The following PEPD variants were observed in gnomAD, a reference collection of about 807,000 sequenced individuals.
PEPD encodes peptidase D, also known as xaa-Pro dipeptidase.
A neutral mutation model predicts 60.7 loss-of-function variants in PEPD; 53 were observed. The observed-to-expected ratio is 0.87, with a 90% CI of 0.70 to 1.10. The LOEUF is 1.10. PEPD is among the 50% of genes least tolerant of loss of function. The pLI is 0.00. For synonymous variants in PEPD, 267 were observed against 284.1 expected (o/e 0.94, Z 0.60); for missense variants, 711 against 711.9 (o/e 1.00, Z 0.01).
chr19:33,507,151 C>T (rs1451409655), intron 3 of PEPD, among the ~76,000 whole-genome samples: 1 of 152,128 alleles, frequency 6.6e-6, no homozygotes, highest in Non-Finnish European at 1.5e-5. Context: ...GGCTGAGCGC[C>T]CCTCCCTGCA....
chr19:33,454,652 AAG>A (rs1271926622), intron 9 of PEPD, among the ~76,000 whole-genome samples: 1 of 152,186 alleles, frequency 6.6e-6, no homozygotes, highest in Non-Finnish European at 1.5e-5. Context: ...TTAAAAAAAA[AAG>A]GTTGAACAAA....
chr19:33,476,094 G>A (rs761956390), intron 7 of PEPD, among the ~76,000 whole-genome samples: 4 of 152,082 alleles, frequency 2.6e-5, no homozygotes, highest in Admixed American at 6.5e-5. Context: ...TCAAACTCCC[G>A]GCCTCAAGTG....
At chr19:33,448,042 A>G (rs1320006830) in intron 9 of PEPD, among the ~76,000 whole-genome samples, 1 of 152,196 alleles carries the variant, frequency 6.6e-6, no homozygotes, top group African/African-American at 2.4e-5. Context: ...GCCTGCCGGC[A>G]GGTATGGAGA....
At chr19:33,453,777 A>G (rs1568479721) in intron 9 of PEPD, among the ~76,000 whole-genome samples, 1 of 152,164 alleles carries the variant, frequency 6.6e-6, no homozygotes, top group Admixed American at 6.5e-5. Flanking sequence ...ATGAAGTGCT[A>G]TTATTTTTTT....
chr19:33,505,536 G>C (rs1001332408), intron 3 of PEPD, among the ~76,000 whole-genome samples: 4 of 151,942 alleles, frequency 2.6e-5, no homozygotes, highest in Admixed American at 2.0e-4. Flanking sequence ...AGGCCTGCAC[G>C]GCAAAGAGGG....
intron 9 of PEPD, among the ~76,000 whole-genome samples, chr19:33,449,462 G>A (rs750129472): frequency 1.2e-4 from 19 of 152,178 alleles, no homozygotes; most frequent in Non-Finnish European, 2.1e-4. Context: ...AGAGCTCACC[G>A]GAGAAGCCTG....
At chr19:33,490,721 T>TG (rs1229579201) in intron 5 of PEPD, among the ~76,000 whole-genome samples, 1 of 152,168 alleles carries the variant, frequency 6.6e-6, no homozygotes, top group East Asian at 1.9e-4. Flanking sequence ...TGGAGTGTGG[T>TG]GGCACCATCT....
At chr19:33,436,995 GAAAGAA>G (rs1168206560) in intron 9 of PEPD, among the ~76,000 whole-genome samples, 1 of 152,160 alleles carries the variant, frequency 6.6e-6, no homozygotes, top group Non-Finnish European at 1.5e-5. Context: ...GGAGGAGGAG[GAAAGAA>G]AAAGTGGGAA....
At chr19:33,461,670 C>T (rs1301051352) in intron 9 of PEPD, among the ~76,000 whole-genome samples, 1 of 152,246 alleles carries the variant, frequency 6.6e-6, no homozygotes, top group Non-Finnish European at 1.5e-5. Flanking sequence ...CTGAGGGACC[C>T]ACTGTCCAGC....
At position 33,411,762 on chromosome 19, in the gene PEPD, G is replaced by A. The variant is rs879832797; in HGVS notation, c.741-13C>T. 8.3e-6 allele frequency: 13 copies of A among 1,557,816 alleles called. No homozygotes were observed. Among genetic ancestry groups the A allele is most frequent in the East Asian group, 2.2e-5 (1 of 44,492 alleles). On this transcript the variant is annotated splice_polypyrimidine_tract_variant and intron_variant, in intron 10 of 14. Transcript: ENST00000244137. ...TGAGTTCTCACCACTGCAAAGAGCC[G>A]GGGGAGGGTGATCAAAGCCCATTCT... is the stretch of plus-strand genomic sequence containing the variant.
chr19:33,498,287 C>T (rs979365709), intron 4 of PEPD, among the ~76,000 whole-genome samples: 2 of 152,204 alleles, frequency 1.3e-5, no homozygotes, highest in Admixed American at 1.3e-4. Flanking sequence ...AGCCTTTGAA[C>T]TCTACTGAAG....
chr19:33,433,090 A>G (rs570935000), intron 9 of PEPD, among the ~76,000 whole-genome samples: 2 of 152,316 alleles, frequency 1.3e-5, no homozygotes, highest in East Asian at 3.9e-4. Context: ...GGGCCCCAGG[A>G]GCTACACACC....
chr19:33,443,785 C>T (rs113404367), intron 9 of PEPD, among the ~76,000 whole-genome samples: 109 of 152,200 alleles, frequency 7.2e-4, no homozygotes, highest in African/African-American at 2.5e-3. Context: ...TACGCACATG[C>T]GCATGCACAC....
intron 3 of PEPD, 24 bp from the exon 4 acceptor site, chr19:33,501,025 T>C (rs1329546223): frequency 6.9e-7 from 1 of 1,459,280 alleles, no homozygotes; most frequent in Non-Finnish European, 9.6e-7. Context: ...ACAAGGAATA[T>C]CAGGGTCAGG....
At chr19:33,463,108 C>T in intron 8 of PEPD, 67 bp from the exon 9 acceptor site, 2 of 936,026 alleles carry the variant, frequency 2.1e-6, no homozygotes, top group Non-Finnish European at 3.6e-6. Context: ...TGATAAATAA[C>T]ATACAGCACT....
At chr19:33,387,776 G>A (rs1351944018) in intron 14 of PEPD, 114 bp downstream of exon 14, 5 of 940,224 alleles carry the variant, frequency 5.3e-6, no homozygotes, top group Non-Finnish European at 8.4e-6. Flanking sequence ...GGCAGGCTAA[G>A]CCCACCTCAA....
intron 4 of PEPD, among the ~76,000 whole-genome samples, chr19:33,493,927 GC>G (rs1303874194): frequency 6.6e-6 from 1 of 152,194 alleles, no homozygotes; most frequent in African/African-American, 2.4e-5. Context: ...TGCATGCCGG[GC>G]CAGCTCCTCT....
chr19:33,416,496 C>T (rs1054556868), intron 9 of PEPD, among the ~76,000 whole-genome samples: 4 of 152,188 alleles, frequency 2.6e-5, no homozygotes, highest in Admixed American at 6.5e-5. Flanking sequence ...ATCGTGCAGC[C>T]CCGGACCAGC....
chr19:33,394,559 C>T (rs903082992), intron 12 of PEPD, among the ~76,000 whole-genome samples: 3 of 152,230 alleles, frequency 2.0e-5, no homozygotes, highest in Admixed American at 6.5e-5. Flanking sequence ...GCCTCTGGCC[C>T]GGATGGTGGT....
Sources: allele counts gnomAD v4.1 joint callset (sites outside exome capture counted in the v4.1 genomes callset), GRCh38; gene constraint gnomAD v4.1.1; transcripts MANE v1.5; gene names NCBI Gene and HGNC (gene_info 2026-07-23, HGNC 2026-07-21).